Variants in DTNB observed in about 807,000 individuals in gnomAD.
DTNB encodes the protein dystrobrevin beta.
In DTNB, 63 loss-of-function variants were observed where a neutral mutation model predicts 90.7. The observed-to-expected ratio is 0.69, with a 90% CI of 0.57 to 0.86. The LOEUF (loss-of-function observed/expected upper bound fraction) is 0.86. Among genes scored for constraint, DTNB ranks in the 40% least tolerant of loss-of-function variants. DTNB has a pLI of 0.00. For synonymous variants in DTNB, 277 were observed against 286.7 expected, an observed-to-expected ratio of 0.97 and a Z score of 0.34; for missense variants, 744 against 807.1, an observed-to-expected ratio of 0.92 and a Z score of 0.95.
chr2:25,431,060 G>C (rs1209501904), intron 14 of DTNB, among the ~76,000 whole-genome samples: 1 of 152,176 alleles, frequency 6.6e-6, no homozygotes. Context: ...ACCTACAAGT[G>C]AATCCAGCCC....
chr2:25,424,646 C>T lies in DTNB; in HGVS notation c.1554+2889G>A, dbSNP rs1316609681. Among the ~76,000 whole-genome samples, 1 of 151,788 alleles carries T rather than the reference C, an allele frequency of 6.6e-6. No individual in the cohort carries two copies. Among genetic ancestry groups the T allele is most frequent in the Non-Finnish European group, 1.5e-5 (1 of 67,950 alleles). On this transcript the variant is annotated intron_variant, in intron 15 of 20. Coordinates refer to ENST00000406818, the MANE Select transcript of DTNB (RefSeq NM_021907.5). This position sits in a 1 kb window ranked among gnomAD's most constrained non-coding sequence, Gnocchi z 4.1. ...TCTTTCTGAAAAGGGAGATGTGACA[C>T]AGGGAAGAGGTGAGTGGATCCCCTA... is the stretch of plus-strand genomic sequence containing the variant.
intron 10 of DTNB, among the ~76,000 whole-genome samples, chr2:25,468,397 T>C (rs530080987): frequency 6.6e-6 from 1 of 152,188 alleles, no homozygotes; most frequent in Non-Finnish European, 1.5e-5. Context: ...GGCTGCAATA[T>C]GCTTGTCTGA....
In DTNB at chr2:25,532,900, T is replaced by C. The variant is rs552820754; in HGVS notation, c.877-1303A>G. On this transcript the variant is annotated intron_variant, in intron 8 of 20. Transcript: ENST00000406818. Reference sequence around the variant, plus strand: ...TATTTTAACACAAAGTAAAAATCTGTTTGCCTGAAAGACCATATAGGCACA... The same window carrying C: ...TATTTTAACACAAAGTAAAAATCTGCTTGCCTGAAAGACCATATAGGCACA... Among the ~76,000 whole-genome samples the C allele has an allele frequency of 1.2e-4, 18 of 152,332 alleles. No homozygotes were observed. The South Asian group carries it at 3.5e-3, about 30-fold the overall frequency.
chr2:25,592,062 A>AAAC (rs1274689366), intron 6 of DTNB, among the ~76,000 whole-genome samples: 3 of 124,248 alleles, frequency 2.4e-5, no homozygotes, highest in African/African-American at 1.4e-4. Flanking sequence ...CTCCATCTCA[A>AAAC]AAAAAAAAAA....
chr2:25,495,696 G>A (rs1243347079), intron 9 of DTNB, among the ~76,000 whole-genome samples: 1 of 152,032 alleles, frequency 6.6e-6, no homozygotes, highest in African/African-American at 2.4e-5. Flanking sequence ...ACCTCACGGG[G>A]TTCTATGGTT....
At chr2:25,533,289 T>C (rs1036100791) in intron 8 of DTNB, among the ~76,000 whole-genome samples, 1 of 152,124 alleles carries the variant, frequency 6.6e-6, no homozygotes, top group African/African-American at 2.4e-5. Context: ...TTGTGCCAAC[T>C]ACACCCCACC....
intron 9 of DTNB, among the ~76,000 whole-genome samples, chr2:25,504,468 G>GGAAAGAAGGAAAGACAAGAAA (rs1437792966): frequency 7.3e-6 from 1 of 137,108 alleles, no homozygotes; most frequent in Non-Finnish European, 1.5e-5. Flanking sequence ...AAGGAAGGAA[G>GGAAAGAAGGAAAGACAAGAAA]GAAGGAAAGA....
At chr2:25,378,355 G>T (rs1450473165) in intron 20 of DTNB, among the ~76,000 whole-genome samples, 2 of 152,202 alleles carry the variant, frequency 1.3e-5, no homozygotes, top group Non-Finnish European at 2.9e-5. Context: ...CCTCTCCTCA[G>T]CTCGCACAAT....
intron 16 of DTNB, among the ~76,000 whole-genome samples, chr2:25,408,930 C>T (rs952237579): frequency 6.6e-6 from 1 of 152,120 alleles, no homozygotes; most frequent in African/African-American, 2.4e-5. Context: ...TGGAAACAAT[C>T]CCATGCTGAA....
intron 3 of DTNB, among the ~76,000 whole-genome samples, chr2:25,633,721 G>A (rs1424384030): frequency 1.3e-5 from 2 of 151,658 alleles, no homozygotes; most frequent in African/African-American, 4.9e-5. Flanking sequence ...GAAGTGAGGA[G>A]CGCCTCTTCC....
At chr2:25,466,367 G>C (rs1307719640) in intron 10 of DTNB, among the ~76,000 whole-genome samples, 1 of 152,082 alleles carries the variant, frequency 6.6e-6, no homozygotes, top group East Asian at 1.9e-4. Context: ...AAGTACTTAA[G>C]TGTAAAGAGT....
chr2:25,549,333 T>C (rs2083113478), intron 8 of DTNB, among the ~76,000 whole-genome samples: 1 of 152,056 alleles, frequency 6.6e-6, no homozygotes, highest in Non-Finnish European at 1.5e-5. Flanking sequence ...TTTCCTGTCT[T>C]CTCTTGGATT....
At chr2:25,666,387 A>C (rs2084448611) in intron 1 of DTNB, among the ~76,000 whole-genome samples, 1 of 152,234 alleles carries the variant, frequency 6.6e-6, no homozygotes, top group Admixed American at 6.5e-5. Context: ...TTGACAAAAG[A>C]CATCTTCCAA....
At chr2:25,636,375 T>C (rs1478217415) in intron 3 of DTNB, among the ~76,000 whole-genome samples, 2 of 152,156 alleles carry the variant, frequency 1.3e-5, no homozygotes, top group Admixed American at 6.5e-5. Context: ...ACGTGAAAGG[T>C]AACAAAATAA....
Position 25,545,451 on chromosome 2 carries a change from A to C in DTNB, c.877-13854T>G, listed in dbSNP as rs1244406820. 2.0e-5 allele frequency among the ~76,000 whole-genome samples: 3 copies of C among 152,176 alleles called. No homozygotes were observed. The East Asian group carries it at 5.8e-4, about 29-fold the overall frequency. Reference sequence around the variant, plus strand: ...GAGTCCCATTTGAACTGAGCTGTGGAAGTGTATGGCTACAGAGGGATTTTT... The same window carrying C: ...GAGTCCCATTTGAACTGAGCTGTGGCAGTGTATGGCTACAGAGGGATTTTT... On this transcript the variant is annotated intron_variant, in intron 8 of 20. Coordinates refer to ENST00000406818, the MANE Select transcript of DTNB (RefSeq NM_021907.5).
rs995954660 is a variant in DTNB at position 25,387,697 on chromosome 2, C to A, written c.1736-319G>T. 6.6e-6 allele frequency among the ~76,000 whole-genome samples: 1 copy of A among 152,146 alleles called. No homozygotes were observed. Among genetic ancestry groups the A allele is most frequent in the Non-Finnish European group, 1.5e-5 (1 of 68,014 alleles). On this transcript the variant is annotated intron_variant, in intron 17 of 20. Transcript: ENST00000406818. This position sits in a 1 kb window ranked among gnomAD's most constrained non-coding sequence, Gnocchi z 4.5. The stretch of plus-strand genomic sequence containing the variant: ...CTTCCTCAGCCTTGTGGGGGTGGGG[C>A]TGTACTCTCCACAACCACCACTACC...
At chr2:25,628,125 G>A in intron 4 of DTNB, 46 bp downstream of exon 4, 11 of 1,573,428 alleles carry the variant, frequency 7.0e-6, no homozygotes, top group Non-Finnish European at 9.6e-6. Context: ...TTCAGAGACA[G>A]GTGTTCTTAA....
chr2:25,410,605 G>C (rs2046344245), intron 16 of DTNB, among the ~76,000 whole-genome samples: 1 of 152,100 alleles, frequency 6.6e-6, no homozygotes, highest in Non-Finnish European at 1.5e-5. Flanking sequence ...AAATAACTCG[G>C]GGAAGTCTGA....
chr2:25,434,397 G>GTTTT (rs1172619901), intron 12 of DTNB, among the ~76,000 whole-genome samples: 2 of 101,366 alleles, frequency 2.0e-5, no homozygotes, highest in Admixed American at 9.2e-5. Flanking sequence ...CCATGAACTA[G>GTTTT]TCTTTTTTTT....
Sources: gnomAD v4.1 joint callset for allele counts (sites outside exome capture counted in the v4.1 genomes callset) on GRCh38, gnomAD v4.1.1 for gene constraint, Gnocchi (gnomAD v3.1) non-coding constraint, MANE v1.5 for transcripts, NCBI Gene and HGNC (gene_info 2026-07-23, HGNC 2026-07-21) for gene names.